Variants in PLCB1 observed in about 807,000 individuals in gnomAD.
PLCB1 encodes 1-phosphatidylinositol 4,5-bisphosphate phosphodiesterase beta-1.
A neutral mutation model predicts 161.8 loss-of-function variants in PLCB1; 46 were observed. That is an observed-to-expected ratio of 0.28 (90% CI 0.22 to 0.36). PLCB1 has a LOEUF of 0.36. PLCB1 is among the 10% of genes least tolerant of loss of function. The pLI is 1.00. For missense variants in PLCB1, 1,016 were observed against 1,472.5 expected (o/e 0.69, Z 5.07); for synonymous variants, 517 against 503.7 (o/e 1.03, Z -0.35).
At chr20:8,341,318 T>G (rs1985801832) in intron 2 of PLCB1, among the ~76,000 whole-genome samples, 1 of 152,110 alleles carries the variant, frequency 6.6e-6, no homozygotes, top group South Asian at 2.1e-4. Flanking sequence ...CTTCCCCTCC[T>G]CCCAGTCTCA....
chr20:8,153,493 C>A (rs6055577), intron 2 of PLCB1, among the ~76,000 whole-genome samples: 26,895 of 151,990 alleles, frequency 0.18, 2,504 homozygotes, highest in African/African-American at 0.23. Flanking sequence ...TCTTTGGATC[C>A]GTGCCATGTG....
At chr20:8,472,059 C>T (rs1289438078) in intron 3 of PLCB1, among the ~76,000 whole-genome samples, 1 of 152,078 alleles carries the variant, frequency 6.6e-6, no homozygotes, top group South Asian at 2.1e-4. Context: ...TAAACTATTC[C>T]ATATTCGTAA....
intron 3 of PLCB1, among the ~76,000 whole-genome samples, chr20:8,615,181 T>C (rs945505162): frequency 1.3e-5 from 2 of 152,208 alleles, no homozygotes; most frequent in African/African-American, 4.8e-5. Context: ...TAAACATTAC[T>C]TTAAAAAGCT....
At chr20:8,859,771 C>T (rs1987193295) in intron 31 of PLCB1, among the ~76,000 whole-genome samples, 1 of 151,416 alleles carries the variant, frequency 6.6e-6, no homozygotes, top group Admixed American at 6.6e-5. Flanking sequence ...ATGGGTTATT[C>T]AACTGAATAA....
chr20:8,551,479 T>A (rs536601775), intron 3 of PLCB1, among the ~76,000 whole-genome samples: 1 of 152,348 alleles, frequency 6.6e-6, no homozygotes, highest in South Asian at 2.1e-4. Context: ...GATATGTTCT[T>A]CGAAGGGTGT....
Position 8,398,695 on chromosome 20 carries a change from C to T in PLCB1, c.246+27245C>T, listed in dbSNP as rs111388483. 1.2e-4 allele frequency among the ~76,000 whole-genome samples: 18 copies of T among 152,232 alleles called. 1 individual carries two copies. Among genetic ancestry groups the T allele is most frequent in the African/African-American group, 3.6e-4 (15 of 41,540 alleles). ...ACGCCCTATCACGTTGGGGTTTAAG[C>T]GTCCATATATGAATTTTGAAGGGAG... is the stretch of plus-strand genomic sequence containing the variant. On this transcript the variant is annotated intron_variant, in intron 3 of 31. Transcript: ENST00000338037.
At chr20:8,688,642 A>T (rs1345127318) in intron 10 of PLCB1, among the ~76,000 whole-genome samples, 1 of 152,120 alleles carries the variant, frequency 6.6e-6, no homozygotes, top group Admixed American at 6.5e-5. Flanking sequence ...TTTGTCAAAG[A>T]TCAGTTGGCT....
chr20:8,703,472 C>T (rs1049474848), intron 11 of PLCB1, among the ~76,000 whole-genome samples: 1 of 152,112 alleles, frequency 6.6e-6, no homozygotes, highest in South Asian at 2.1e-4. Flanking sequence ...GCATCCTCTA[C>T]GCTCAACCCA....
At chr20:8,473,221 G>A (rs1468122335) in intron 3 of PLCB1, among the ~76,000 whole-genome samples, 1 of 152,102 alleles carries the variant, frequency 6.6e-6, no homozygotes, top group African/African-American at 2.4e-5. Context: ...ATACACTGCT[G>A]AATATTTGCT....
chr20:8,658,418 A>G, intron 8 of PLCB1, 120 bp from the exon 9 acceptor site: 1 of 700,480 alleles, frequency 1.4e-6, no homozygotes, highest in Non-Finnish European at 2.3e-6. Flanking sequence ...GCAAGATAGG[A>G]GTTTCAATAT....
chr20:8,664,770 T>C (rs1223332518), intron 9 of PLCB1, among the ~76,000 whole-genome samples: 1 of 152,190 alleles, frequency 6.6e-6, no homozygotes, highest in African/African-American at 2.4e-5. Context: ...CATTTTCTCA[T>C]ACTGGCTCTA....
intron 2 of PLCB1, among the ~76,000 whole-genome samples, chr20:8,171,818 C>A (rs1280697188): frequency 6.6e-6 from 1 of 152,178 alleles, no homozygotes; most frequent in South Asian, 2.1e-4. Context: ...AGAAATTCAT[C>A]TGAGAGCAGG....
chr20:8,133,984 CT>C (rs763535397), intron 1 of PLCB1, among the ~76,000 whole-genome samples: 1 of 152,154 alleles, frequency 6.6e-6, no homozygotes, highest in Non-Finnish European at 1.5e-5. Context: ...GCGTCTGTGT[CT>C]ATATTTTGTC....
At chr20:8,617,604 G>A (rs1256813301) in intron 3 of PLCB1, among the ~76,000 whole-genome samples, 3 of 151,952 alleles carry the variant, frequency 2.0e-5, no homozygotes, top group African/African-American at 7.3e-5. Flanking sequence ...TTTATTGTTT[G>A]TTTTGATTTG....
intron 3 of PLCB1, among the ~76,000 whole-genome samples, chr20:8,493,017 C>T (rs952527687): frequency 6.6e-6 from 1 of 152,042 alleles, no homozygotes; most frequent in African/African-American, 2.4e-5. Flanking sequence ...TTCTTATCTC[C>T]AGCTGATTTC....
intron 3 of PLCB1, among the ~76,000 whole-genome samples, chr20:8,600,409 CTCGGGGG>C (rs1392729514): frequency 7.2e-6 from 1 of 139,408 alleles, no homozygotes; most frequent in African/African-American, 2.8e-5. Flanking sequence ...AGTTAGGCTG[CTCGGGGG>C]TCAGGGGTCA....
At chr20:8,612,983 T>A (rs1372506982) in intron 3 of PLCB1, among the ~76,000 whole-genome samples, 3 of 152,138 alleles carry the variant, frequency 2.0e-5, no homozygotes, top group Non-Finnish European at 4.4e-5. Context: ...CAGAGACAGA[T>A]CTGGATGTGA....
At chr20:8,439,431 A>G (rs888531838) in intron 3 of PLCB1, among the ~76,000 whole-genome samples, 1 of 152,208 alleles carries the variant, frequency 6.6e-6, no homozygotes, top group Non-Finnish European at 1.5e-5. Context: ...CAGGTAACAT[A>G]AACTGTTACT....
intron 31 of PLCB1, among the ~76,000 whole-genome samples, chr20:8,855,909 T>C (rs989495824): frequency 8.6e-5 from 13 of 151,908 alleles, no homozygotes; most frequent in African/African-American, 3.1e-4. Context: ...TCCCTTCTGT[T>C]CTCCTACTTT....
Sources: allele counts gnomAD v4.1 joint callset (sites outside exome capture counted in the v4.1 genomes callset), GRCh38; gene constraint gnomAD v4.1.1; transcripts MANE v1.5; gene names NCBI Gene and HGNC (gene_info 2026-07-23, HGNC 2026-07-21).